Variants in SYNE2 observed in about 807,000 individuals in gnomAD.
SYNE2 encodes the protein nesprin-2.
A neutral mutation model predicts 856.3 loss-of-function variants in SYNE2; 431 were observed. That is an observed-to-expected ratio of 0.50 (90% CI 0.47 to 0.55). The LOEUF (loss-of-function observed/expected upper bound fraction) is 0.55, where lower values mean the gene tolerates loss of function less well. SYNE2 is among the 20% of genes least tolerant of loss of function. The pLI, the probability that SYNE2 is intolerant of heterozygous loss-of-function variation, is 0.00. For missense variants in SYNE2, 8,129 were observed against 8,023.2 expected (o/e 1.01, Z -0.50); for synonymous variants, 2,923 against 2,872.3 (o/e 1.02, Z -0.56).
chr14:64,055,114 C>T (rs1369852987), intron 48 of SYNE2, among the ~76,000 whole-genome samples: 4 of 152,160 alleles, frequency 2.6e-5, no homozygotes, highest in Admixed American at 1.3e-4. Context: ...TGGAGACATT[C>T]ATTCAATGAT....
chr14:64,225,618 G>A lies in SYNE2; in HGVS notation c.*92G>A. 1.4e-6 allele frequency: 2 copies of A among 1,396,040 alleles called. No homozygotes were observed. Among genetic ancestry groups the A allele is most frequent in the Middle Eastern group, 1.8e-4 (1 of 5,686 alleles). The allele number at this position is 1,396,040 out of a possible 1,614,324, so 86.5% of individuals were successfully genotyped here. On this transcript the variant is annotated 3_prime_UTR_variant, in exon 116 of 116. Transcript: ENST00000555002. ...AGACCAATCTGAGTGACTTAGTGTTGGCAAGGTCCCGGGACCTGTGCAGAC... is the reference window on the plus strand; with the variant it reads ...AGACCAATCTGAGTGACTTAGTGTTAGCAAGGTCCCGGGACCTGTGCAGAC...
Position 64,225,498 on chromosome 14 carries a change from G to A in SYNE2, c.20696G>A (p.Arg6899Lys), listed in dbSNP as rs1180787473. 4 of 1,614,182 alleles carry A rather than the reference G, an allele frequency of 2.5e-6. No individual in the cohort carries two copies. Among genetic ancestry groups the A allele is most frequent in the Non-Finnish European group, 3.4e-6 (4 of 1,180,024 alleles). The change falls in exon 116 of 116, where the codon AGG becomes AAG. Residue 6899 changes from arginine (R) to lysine (K), a missense_variant. Transcript: ENST00000555002. The stretch of plus-strand genomic sequence containing the variant: ...GCCCGGTCCTTTTACCCCATGCTGA[G>A]GTACACCAATGGGCCACCCCCCACA... Reference protein sequence around the residue: ...NFARSFYPMLRYTNGPPPT With the variant: ...NFARSFYPMLKYTNGPPPT
At chr14:63,895,818 G>A (rs1399000307) in intron 1 of SYNE2, among the ~76,000 whole-genome samples, 1 of 140,896 alleles carries the variant, frequency 7.1e-6, no homozygotes, top group Non-Finnish European at 1.5e-5. Flanking sequence ...TTACATTTTT[G>A]TAATTTCATT....
intron 32 of SYNE2, among the ~76,000 whole-genome samples, chr14:64,014,420 G>GT (rs920833939): frequency 1.7e-4 from 26 of 151,784 alleles, no homozygotes; most frequent in Non-Finnish European, 2.2e-4. Flanking sequence ...AATTGCATGG[G>GT]TTTTTTTTGT....
chr14:64,009,653 C>CT (rs2096828558), intron 31 of SYNE2, among the ~76,000 whole-genome samples: 1 of 150,972 alleles, frequency 6.6e-6, no homozygotes, highest in Non-Finnish European at 1.5e-5. Context: ...TCTGAGATGT[C>CT]TTTTGGTTAA....
chr14:63,811,648 C>T (rs187516866), intron 1 of SYNE2, among the ~76,000 whole-genome samples: 22 of 152,242 alleles, frequency 1.4e-4, no homozygotes, highest in East Asian at 1.2e-3. Flanking sequence ...AATATTTCAA[C>T]GTAGGTTCTT....
At position 64,052,760 on chromosome 14, in the gene SYNE2, T is replaced by C; in HGVS notation, c.8847T>C (p.His2949=). The C allele has an allele frequency of 1.9e-6, 3 of 1,611,990 alleles. No homozygotes were observed. Among genetic ancestry groups the C allele is most frequent in the Non-Finnish European group, 2.5e-6 (3 of 1,179,104 alleles). Residue 2949 remains histidine (H), a synonymous_variant, in exon 48 of 116, where the codon CAT becomes CAC. Coordinates refer to ENST00000555002, the MANE Select transcript of SYNE2 (RefSeq NM_182914.3). Reference sequence around the variant, plus strand: ...AGATAAAGTTTTGCAGACAATTCCATGAAAAAACATCAGCGCTTCAGGAGG... The same window carrying C: ...AGATAAAGTTTTGCAGACAATTCCACGAAAAAACATCAGCGCTTCAGGAGG... ...EHKIKFCRQF[H]EKTSALQEEA...
At chr14:63,773,095 G>A (rs1347575834) in intron 1 of SYNE2, among the ~76,000 whole-genome samples, 1 of 151,600 alleles carries the variant, frequency 6.6e-6, no homozygotes, top group Non-Finnish European at 1.5e-5. Flanking sequence ...CATTTTAAAA[G>A]AAGTTATTTG....
chr14:64,031,453 C>T (rs2097033838), intron 45 of SYNE2, 96 bp downstream of exon 45: 2 of 1,073,382 alleles, frequency 1.9e-6, no homozygotes, highest in South Asian at 2.7e-5. Context: ...ATTCTGATTT[C>T]ATAATTAAAT....
rs376973894 is a variant in SYNE2, at chr14:64,122,280, C to T, written c.13281-6C>T. The T allele has an allele frequency of 1.4e-4, 225 of 1,614,024 alleles. No homozygotes were observed. The highest frequency in any genetic ancestry group is 1.9e-4 in the Non-Finnish European group (219 of 1,180,022). On this transcript the variant is annotated splice_region_variant and splice_polypyrimidine_tract_variant and intron_variant, in intron 69 of 115. Transcript: ENST00000555002. Reference sequence around the variant, plus strand: ...ATTCTCTTCACCTTTTGTTCTTCTTCAAAAGCAACCAGGCATCCAGCCCTG... The same window carrying T: ...ATTCTCTTCACCTTTTGTTCTTCTTTAAAAGCAACCAGGCATCCAGCCCTG...
intron 1 of SYNE2, among the ~76,000 whole-genome samples, chr14:63,884,050 C>T (rs913732324): frequency 1.3e-5 from 2 of 152,104 alleles, no homozygotes; most frequent in Non-Finnish European, 2.9e-5. Context: ...GAAGGAAAGC[C>T]GCTCAGGGCG....
intron 103 of SYNE2, among the ~76,000 whole-genome samples, chr14:64,211,008 G>T (rs1455993316): frequency 6.6e-6 from 1 of 151,774 alleles, no homozygotes; most frequent in African/African-American, 2.4e-5. Context: ...TCTTGACAGG[G>T]TCTCACTCTG....
chr14:63,862,908 C>G (rs975549128), intron 1 of SYNE2, among the ~76,000 whole-genome samples: 3 of 151,898 alleles, frequency 2.0e-5, no homozygotes, highest in African/African-American at 7.3e-5. Context: ...AGTGATTCTA[C>G]TGCCTCAGCC....
chr14:63,856,802 C>G (rs11628650), intron 1 of SYNE2, among the ~76,000 whole-genome samples: 117 of 151,986 alleles, frequency 7.7e-4, no homozygotes, highest in Non-Finnish European at 1.3e-3. Flanking sequence ...GACAAGGTCT[C>G]GTTCTATCAC....
intron 37 of SYNE2, among the ~76,000 whole-genome samples, chr14:64,022,521 TC>T (rs1201097782): frequency 1.3e-5 from 2 of 152,000 alleles, no homozygotes; most frequent in Non-Finnish European, 2.9e-5. Context: ...TTGCTTGAGC[TC>T]AAGAGTTTGA....
At chr14:63,940,353 G>T (rs941953676) in intron 2 of SYNE2, among the ~76,000 whole-genome samples, 1 of 152,006 alleles carries the variant, frequency 6.6e-6, no homozygotes, top group African/African-American at 2.4e-5. Flanking sequence ...CAGCACCGTG[G>T]TCCTAATTCT....
chr14:63,904,889 G>A lies in SYNE2; in HGVS notation c.-51-4209G>A, dbSNP rs117488667. Among the ~76,000 whole-genome samples the A allele has an allele frequency of 9.7e-4, 147 of 152,264 alleles. 1 individual carries two copies. In the East Asian group the frequency reaches 0.015, roughly 16 times the overall value. On this transcript the variant is annotated intron_variant, in intron 1 of 115. Coordinates refer to ENST00000555002, the MANE Select transcript of SYNE2 (RefSeq NM_182914.3). The stretch of plus-strand genomic sequence containing the variant: ...CCAAAAGTTCTTTGTCACGGCTTAT[G>A]TTGAGAAGGGTATTTCCTAGGTTTT...
rs1007088547 is a variant in SYNE2, at chr14:64,093,621, CTG to C, written c.12108+149_12108+150del. ...TTCTCTGTAACAATTGAAGGTATTT[CTG>C]TGTGTGTTTACTTTCCATCCCTATT... On this transcript the variant is annotated intron_variant, in intron 61 of 115. Coordinates refer to ENST00000555002, the MANE Select transcript of SYNE2 (RefSeq NM_182914.3). 24 of 900,132 alleles carry C rather than the reference CTG, an allele frequency of 2.7e-5. No individual in the cohort carries two copies. The African/African-American group carries it at 4.0e-4, about 15-fold the overall frequency. The allele number at this position is 900,132 out of a possible 1,614,324, so 55.8% of individuals were successfully genotyped here.
At chr14:64,150,097 G>A (rs1377207017) in intron 84 of SYNE2, among the ~76,000 whole-genome samples, 3 of 134,004 alleles carry the variant, frequency 2.2e-5, no homozygotes, top group Non-Finnish European at 3.1e-5. Context: ...CTTCAGCCTT[G>A]AGCTCCTAGG....
Sources: allele counts gnomAD v4.1 joint callset (sites outside exome capture counted in the v4.1 genomes callset), GRCh38; gene constraint gnomAD v4.1.1; transcripts MANE v1.5; gene names NCBI Gene and HGNC (gene_info 2026-07-23, HGNC 2026-07-21).